VGLL3: variants seen among roughly 807,000 people sequenced by gnomAD.
VGLL3 encodes the protein vestigial like family member 3.
Under a neutral mutation model 29.2 loss-of-function variants are expected in VGLL3, and 18 were observed. That is an observed-to-expected ratio of 0.62 (90% CI 0.43 to 0.91). The LOEUF is 0.91. VGLL3 is among the 40% of genes least tolerant of loss of function. The pLI, the probability that VGLL3 is intolerant of heterozygous loss-of-function variation, is 0.00. For synonymous variants in VGLL3, 180 were observed against 151.8 expected (o/e 1.19, Z -1.36); for missense variants, 440 against 413.2 (o/e 1.06, Z -0.56).
At chr3:86,989,164 A>C (rs1189869148) in intron 1 of VGLL3, among the ~76,000 whole-genome samples, 1 of 152,224 alleles carries the variant, frequency 6.6e-6, no homozygotes, top group African/African-American at 2.4e-5. Flanking sequence ...TATTTGAAAC[A>C]ACTTCTACTA....
rs544943595 is a variant in VGLL3, at chr3:86,980,127, C to CT, written c.127-1326dup. The stretch of plus-strand genomic sequence containing the variant: ...TGCAAAACCTGATCCTTGATCATAC[C>CT]TTTTTTTTTTTTTTACTTTGAAAAA... On this transcript the variant is annotated intron_variant, in intron 1 of 3. Coordinates refer to ENST00000398399, the MANE Select transcript of VGLL3 (RefSeq NM_016206.4). Among the ~76,000 whole-genome samples, 131 of 140,166 alleles carry CT rather than the reference C, an allele frequency of 9.3e-4. 2 individuals carry two copies. The highest frequency in any genetic ancestry group is 5.9e-3 in the South Asian group (26 of 4,370). The allele number at this position is 140,166 out of a possible 152,430, so 92.0% of individuals were successfully genotyped here.
In VGLL3 at chr3:86,978,586, T is replaced by C; in HGVS notation, c.343A>G (p.Thr115Ala). 2 of 1,614,078 alleles carry C rather than the reference T, an allele frequency of 1.2e-6. No individual in the cohort carries two copies. The highest frequency in any genetic ancestry group is 1.7e-6 in the Non-Finnish European group (2 of 1,180,008). The change falls in exon 2 of 4, where the codon ACC becomes GCC. Residue 115 changes from threonine to alanine, a missense_variant. Physicochemically the swap from Thr to Ala is moderately conservative, Grantham distance 58 (BLOSUM62 0). Coordinates refer to ENST00000398399, the MANE Select transcript of VGLL3 (RefSeq NM_016206.4). The stretch of plus-strand genomic sequence containing the variant: ...GAAATGGCAGATTCTGGATGGAGGG[T>C]GATGGCTTGGCCCAAAGCTCTTGAG... ...HFSRALGQAI[T>A]LHPESAISKS...
chr3:86,983,538 C>A (rs974457090), intron 1 of VGLL3, among the ~76,000 whole-genome samples: 1 of 152,126 alleles, frequency 6.6e-6, no homozygotes, highest in Non-Finnish European at 1.5e-5. Context: ...TGCCACCATG[C>A]TGGCCTTATT....
At chr3:86,955,669 G>A (rs564819186) in intron 3 of VGLL3, among the ~76,000 whole-genome samples, 1 of 152,126 alleles carries the variant, frequency 6.6e-6, no homozygotes, top group Non-Finnish European at 1.5e-5. Context: ...GGGATTACAG[G>A]TGTGAACCAC....
At chr3:86,977,925 C>G (rs1044925201) in intron 2 of VGLL3, among the ~76,000 whole-genome samples, 3 of 152,186 alleles carry the variant, frequency 2.0e-5, no homozygotes. Context: ...TCTCTGTGAG[C>G]TCGATACAGA....
intron 1 of VGLL3, among the ~76,000 whole-genome samples, chr3:86,985,425 C>A (rs980095639): frequency 1.3e-5 from 2 of 152,168 alleles, no homozygotes; most frequent in Non-Finnish European, 2.9e-5. Context: ...AGAAATGACA[C>A]CTGTTGAATT....
chr3:86,989,542 T>C (rs1462265569), intron 1 of VGLL3, among the ~76,000 whole-genome samples: 1 of 152,216 alleles, frequency 6.6e-6, no homozygotes, highest in Non-Finnish European at 1.5e-5. Flanking sequence ...AAGTAAAATG[T>C]CAGATTAATT....
chr3:86,953,107 C>T (rs965743344), intron 3 of VGLL3, among the ~76,000 whole-genome samples: 1 of 152,004 alleles, frequency 6.6e-6, no homozygotes, highest in African/African-American at 2.4e-5. Flanking sequence ...AATATATAGG[C>T]GCTACATTTT....
chr3:86,962,930 C>T (rs1469883782), intron 3 of VGLL3: 1 of 176,186 alleles, frequency 5.7e-6, no homozygotes, highest in East Asian at 1.9e-4. Flanking sequence ...TGACTATCTA[C>T]TAAAAATACA....
chr3:86,973,102 A>C (rs1326206562), intron 2 of VGLL3, among the ~76,000 whole-genome samples: 1 of 152,082 alleles, frequency 6.6e-6, no homozygotes, highest in East Asian at 1.9e-4. Context: ...ACCTCCAAAA[A>C]AATTTTTTAA....
intron 3 of VGLL3, among the ~76,000 whole-genome samples, chr3:86,966,780 TA>T (rs1704971982): frequency 4.8e-5 from 1 of 21,008 alleles, no homozygotes; most frequent in Non-Finnish European, 1.1e-4. Flanking sequence ...TGTGTATATA[TA>T]TATATATATA....
At chr3:86,958,153 G>A (rs543460367) in intron 3 of VGLL3, among the ~76,000 whole-genome samples, 5 of 151,874 alleles carry the variant, frequency 3.3e-5, no homozygotes, top group South Asian at 2.1e-4. Context: ...GATGGTAATC[G>A]CTCAATTCCA....
chr3:86,956,302 T>C lies in VGLL3; in HGVS notation c.938-9235A>G, dbSNP rs1025122332. On this transcript the variant is annotated intron_variant, in intron 3 of 3. Transcript: ENST00000398399. ...TTCCAATGCTTTGTGTCGTTCTCTA[T>C]TGAGAGTCATATCAGGACAACCTGC... Among the ~76,000 whole-genome samples the C allele has an allele frequency of 2.6e-5, 4 of 152,356 alleles. No homozygotes were observed. In the East Asian group the frequency reaches 7.7e-4, roughly 29 times the overall value.
intron 2 of VGLL3, among the ~76,000 whole-genome samples, chr3:86,972,700 AAATAC>A (rs1328050169): frequency 1.3e-5 from 2 of 152,196 alleles, no homozygotes; most frequent in African/African-American, 4.8e-5. Flanking sequence ...TGAGTGAAGA[AAATAC>A]AATACTTTAT....
At chr3:86,959,039 C>T (rs1223599159) in intron 3 of VGLL3, among the ~76,000 whole-genome samples, 3 of 152,114 alleles carry the variant, frequency 2.0e-5, no homozygotes, top group Non-Finnish European at 4.4e-5. Flanking sequence ...AAAAGTATTT[C>T]CATTATTCAT....
At position 86,943,115 on chromosome 3, in the gene VGLL3, C is replaced by T. The variant is rs969990718; in HGVS notation, c.*3909G>A. Reference sequence around the variant, plus strand: ...TAAATAAATGAAGCCCCAAACCACACATAAACTTTTGGCTAAACTAGAATT... The same window carrying T: ...TAAATAAATGAAGCCCCAAACCACATATAAACTTTTGGCTAAACTAGAATT... On this transcript the variant is annotated 3_prime_UTR_variant, in exon 4 of 4. Transcript: ENST00000398399. 2 of 152,098 alleles carry T rather than the reference C, an allele frequency of 1.3e-5. No homozygotes were observed. The highest frequency in any genetic ancestry group is 2.9e-5 in the Non-Finnish European group (2 of 68,014). 9.4% of individuals were successfully genotyped at this position (152,098 alleles called of 1,614,324 possible).
rs930581579 is a variant in VGLL3, at chr3:86,943,260, C to T, written c.*3764G>A. ...TTCCACCACTTAACGCCACTGCCCC[C>T]ATCGGCTTAATTCAGCAAACACTAT... On this transcript the variant is annotated 3_prime_UTR_variant, in exon 4 of 4. Transcript: ENST00000398399. 6.6e-6 allele frequency: 1 copy of T among 152,182 alleles called. No individual in the cohort carries two copies. Among genetic ancestry groups the T allele is most frequent in the Non-Finnish European group, 1.5e-5 (1 of 68,030 alleles). The allele number at this position is 152,182 out of a possible 1,614,324, so 9.4% of individuals were successfully genotyped here.
chr3:86,977,350 T>G (rs1705230941), intron 2 of VGLL3, among the ~76,000 whole-genome samples: 1 of 152,126 alleles, frequency 6.6e-6, no homozygotes, highest in East Asian at 1.9e-4. Context: ...CCAGGACTTC[T>G]ACAGTAGAGC....
intron 2 of VGLL3, 68 bp downstream of exon 2, chr3:86,978,458 G>T: frequency 1.3e-6 from 2 of 1,540,704 alleles, no homozygotes; most frequent in Non-Finnish European, 8.8e-7. Context: ...GTCTCCAGCT[G>T]GAACCTGGTA....
Sources: allele counts gnomAD v4.1 joint callset (sites outside exome capture counted in the v4.1 genomes callset), GRCh38; gene constraint gnomAD v4.1.1; transcripts MANE v1.5; gene names NCBI Gene and HGNC (gene_info 2026-07-23, HGNC 2026-07-21).